PLPPR5: variants seen among roughly 807,000 people sequenced by gnomAD.
PLPPR5 encodes phospholipid phosphatase related 5.
A neutral mutation model predicts 33.9 loss-of-function variants in PLPPR5; 16 were observed. The ratio of observed to expected loss-of-function variants is 0.47; its 90% CI spans 0.32 to 0.72. The LOEUF is 0.72. Among genes scored for constraint, PLPPR5 ranks in the 30% least tolerant of loss-of-function variants. The pLI is 0.03. For missense variants in PLPPR5, 301 were observed against 406.7 expected, an observed-to-expected ratio of 0.74 and a Z score of 2.23; for synonymous variants, 163 against 150.3, an observed-to-expected ratio of 1.08 and a Z score of -0.62.
intron 1 of PLPPR5, among the ~76,000 whole-genome samples, chr1:98,977,536 A>G (rs1181178337): frequency 3.4e-5 from 5 of 148,192 alleles, no homozygotes; most frequent in African/African-American, 5.0e-5. Flanking sequence ...TTGATCTAGG[A>G]TGCTATGATG....
intron 5 of PLPPR5, among the ~76,000 whole-genome samples, chr1:98,899,657 T>TG (rs1648615561): frequency 7.0e-6 from 1 of 143,314 alleles, no homozygotes; most frequent in African/African-American, 2.6e-5. Context: ...TTATTTCACT[T>TG]GTTTTTTTTT....
At chr1:98,949,496 TA>T (rs1650698509) in intron 3 of PLPPR5, among the ~76,000 whole-genome samples, 7 of 152,224 alleles carry the variant, frequency 4.6e-5, no homozygotes, top group Admixed American at 4.6e-4. Context: ...TGTATGTTTA[TA>T]ACACCAACAC....
At position 98,940,882 on chromosome 1, in the gene PLPPR5, G is replaced by A. The variant is rs144701576; in HGVS notation, c.621+12188C>T. Among the ~76,000 whole-genome samples, 278 of 152,000 alleles carry A rather than the reference G, an allele frequency of 1.8e-3. 2 individuals are homozygous for A. The highest frequency in any genetic ancestry group is 6.5e-3 in the African/African-American group (272 of 41,528). Reference sequence around the variant, plus strand: ...AATGACTCAGAGATTTCAGGCTTGGGTAACGAGGGTAGGAATGTCAATAAT... The same window carrying A: ...AATGACTCAGAGATTTCAGGCTTGGATAACGAGGGTAGGAATGTCAATAAT... On this transcript the variant is annotated intron_variant, in intron 3 of 5. Coordinates refer to ENST00000263177, the MANE Select transcript of PLPPR5 (RefSeq NM_001037317.2).
intron 5 of PLPPR5, among the ~76,000 whole-genome samples, chr1:98,902,153 T>C (rs1267351435): frequency 6.6e-6 from 1 of 152,094 alleles, no homozygotes; most frequent in Non-Finnish European, 1.5e-5. Flanking sequence ...ACATATTTTA[T>C]ATGTGAAGTT....
intron 4 of PLPPR5, among the ~76,000 whole-genome samples, chr1:98,916,718 T>A (rs553413081): frequency 1.3e-5 from 2 of 152,304 alleles, no homozygotes; most frequent in South Asian, 4.1e-4. Context: ...AATCAAGAAT[T>A]TTGGCCAACA....
At chr1:98,977,576 GT>G (rs1017539477) in intron 1 of PLPPR5, among the ~76,000 whole-genome samples, 10 of 149,480 alleles carry the variant, frequency 6.7e-5, no homozygotes, top group African/African-American at 2.0e-4. Flanking sequence ...AGACCATCAT[GT>G]TTTTATTGAC....
In PLPPR5 at chr1:98,992,762, G is replaced by GA. The variant is rs558575232; in HGVS notation, c.237+11672dup. ...TTTGGGACAACAGTATAGTCACTCAGAAAAAAACTCTCATAGTAGTCACAT... is the reference window on the plus strand; with the variant it reads ...TTTGGGACAACAGTATAGTCACTCAGAAAAAAAACTCTCATAGTAGTCACAT... On this transcript the variant is annotated intron_variant, in intron 1 of 5. Transcript: ENST00000263177. 1.3e-4 allele frequency among the ~76,000 whole-genome samples: 20 copies of GA among 152,098 alleles called. No individual in the cohort carries two copies. In the East Asian group the frequency reaches 3.5e-3, roughly 26 times the overall value.
chr1:98,941,898 C>T (rs1170146143), intron 3 of PLPPR5, among the ~76,000 whole-genome samples: 2 of 151,444 alleles, frequency 1.3e-5, no homozygotes, highest in African/African-American at 4.8e-5. Flanking sequence ...TGTAATACAA[C>T]AGAAGAAGTA....
At chr1:98,933,646 A>G (rs1182019973) in intron 3 of PLPPR5, among the ~76,000 whole-genome samples, 3 of 152,142 alleles carry the variant, frequency 2.0e-5, no homozygotes, top group African/African-American at 7.2e-5. Context: ...GGCAGCTCCA[A>G]TTATGGTGGC....
At chr1:98,988,681 A>T (rs1435557798) in intron 1 of PLPPR5, among the ~76,000 whole-genome samples, 1 of 152,102 alleles carries the variant, frequency 6.6e-6, no homozygotes, top group Non-Finnish European at 1.5e-5. Flanking sequence ...TTGACACTAT[A>T]AATTAGGACA....
chr1:98,957,744 T>C (rs1447322812), intron 1 of PLPPR5, among the ~76,000 whole-genome samples: 4 of 152,342 alleles, frequency 2.6e-5, no homozygotes, highest in Non-Finnish European at 4.4e-5. Flanking sequence ...ATTAAAACCA[T>C]ATGAAACTAG....
intron 1 of PLPPR5, among the ~76,000 whole-genome samples, chr1:98,966,418 C>T (rs981338472): frequency 6.6e-6 from 1 of 152,168 alleles, no homozygotes; most frequent in Admixed American, 6.5e-5. Flanking sequence ...AGGTTTTAGG[C>T]ACTGTTCTAA....
chr1:98,900,381 T>A (rs1648653183), intron 5 of PLPPR5, among the ~76,000 whole-genome samples: 1 of 152,178 alleles, frequency 6.6e-6, no homozygotes, highest in African/African-American at 2.4e-5. Context: ...CAAGCATTGC[T>A]AAGTTCAGAC....
chr1:98,898,665 G>A (rs1370615452), intron 5 of PLPPR5, among the ~76,000 whole-genome samples: 2 of 152,118 alleles, frequency 1.3e-5, no homozygotes, highest in Non-Finnish European at 2.9e-5. Flanking sequence ...TGTATGTTGA[G>A]CAATTTCTTG....
intron 1 of PLPPR5, among the ~76,000 whole-genome samples, chr1:99,003,124 A>G (rs1180595312): frequency 7.0e-6 from 1 of 142,158 alleles, no homozygotes; most frequent in Non-Finnish European, 1.5e-5. Context: ...GCAAGGTCTA[A>G]CACATTTCAA....
chr1:98,926,557 G>T (rs1649771971), intron 3 of PLPPR5, among the ~76,000 whole-genome samples: 1 of 151,082 alleles, frequency 6.6e-6, no homozygotes, highest in Admixed American at 6.6e-5. Flanking sequence ...AATCTTCCAT[G>T]ACTTCTTCAC....
rs541280759 is a variant in PLPPR5 at position 98,991,251 on chromosome 1, G to A, written c.237+13184C>T. On this transcript the variant is annotated intron_variant, in intron 1 of 5. Coordinates refer to ENST00000263177, the MANE Select transcript of PLPPR5 (RefSeq NM_001037317.2). ...TTTACTGTGTTCATGAAGCAGGACA[G>A]TGTCACCATACTGTGTTTTGCCTAT... The A allele has an allele frequency of 3.3e-5, 5 of 151,354 alleles. No individual in the cohort carries two copies. The East Asian group carries it at 9.7e-4, about 29-fold the overall frequency. The allele number at this position is 151,354 out of a possible 1,614,324, so 9.4% of individuals were successfully genotyped here. A position where few individuals can be genotyped will look rare whatever the true frequency, so the allele number is the denominator to read the frequency against.
chr1:98,990,663 T>C (rs1475589314), intron 1 of PLPPR5, among the ~76,000 whole-genome samples: 1 of 152,112 alleles, frequency 6.6e-6, no homozygotes, highest in Non-Finnish European at 1.5e-5. Context: ...GAAGAAAATA[T>C]TAGAAATCAG....
chr1:98,957,242 C>T (rs996349227), intron 1 of PLPPR5, among the ~76,000 whole-genome samples: 1 of 150,818 alleles, frequency 6.6e-6, no homozygotes, highest in African/African-American at 2.4e-5. Flanking sequence ...TGCTAGATGA[C>T]GAGTTAGTGG....
Sources: allele counts gnomAD v4.1 joint callset (sites outside exome capture counted in the v4.1 genomes callset), GRCh38; gene constraint gnomAD v4.1.1; transcripts MANE v1.5; gene names NCBI Gene and HGNC (gene_info 2026-07-23, HGNC 2026-07-21).